The following SYT16 variants were observed in gnomAD, a reference collection of about 807,000 sequenced individuals.
SYT16 encodes the protein synaptotagmin-16.
In SYT16, 42 loss-of-function variants were observed where a neutral mutation model predicts 61.4. That is an observed-to-expected ratio of 0.68 (90% CI 0.53 to 0.89). The LOEUF is 0.89. Ranked by LOEUF, SYT16 falls within the 40% of genes least tolerant of loss-of-function variation. The pLI is 0.00. For missense variants in SYT16, 804 were observed against 807.3 expected, an observed-to-expected ratio of 1.00 and a Z score of 0.05; for synonymous variants, 314 against 302.3, an observed-to-expected ratio of 1.04 and a Z score of -0.40.
chr14:62,061,206 A>C (rs756400957), intron 3 of SYT16, among the ~76,000 whole-genome samples: 1 of 152,126 alleles, frequency 6.6e-6, no homozygotes, highest in Non-Finnish European at 1.5e-5. Context: ...CACTTAGGAC[A>C]CAATCCCTAG....
intron 1 of SYT16, among the ~76,000 whole-genome samples, chr14:61,960,976 C>T (rs185943812): frequency 2.0e-5 from 3 of 152,266 alleles, no homozygotes; most frequent in Admixed American, 6.5e-5. Context: ...CACCTACAAT[C>T]ATCTGATCTT....
chr14:61,838,234 T>C (rs958554961), intron 1 of SYT16, among the ~76,000 whole-genome samples: 1 of 152,160 alleles, frequency 6.6e-6, no homozygotes, highest in African/African-American at 2.4e-5. Flanking sequence ...AAATTAAATC[T>C]CAATCATTAC....
At chr14:61,987,570 A>G (rs1881901770) in intron 2 of SYT16, among the ~76,000 whole-genome samples, 1 of 152,170 alleles carries the variant, frequency 6.6e-6, no homozygotes, top group Non-Finnish European at 1.5e-5. Flanking sequence ...TTTAGATGAA[A>G]GAATGGGTAG....
At chr14:61,938,025 C>CG (rs2050051866) in intron 1 of SYT16, among the ~76,000 whole-genome samples, 2 of 5,390 alleles carry the variant, frequency 3.7e-4, no homozygotes, top group Admixed American at 4.0e-3. Flanking sequence ...TCCTACCCCG[C>CG]AACACACACA....
intron 1 of SYT16, among the ~76,000 whole-genome samples, chr14:61,944,950 A>G (rs2050361319): frequency 6.6e-6 from 1 of 152,238 alleles, no homozygotes; most frequent in Non-Finnish European, 1.5e-5. Context: ...GTGAACAGGC[A>G]ACCTACAGAA....
Position 61,996,031 on chromosome 14 carries a change from C to T in SYT16, c.12C>T (p.Ala4=). The T allele has an allele frequency of 6.3e-7, 1 of 1,592,812 alleles. No individual in the cohort carries two copies. The highest frequency in any genetic ancestry group is 8.6e-7 in the Non-Finnish European group (1 of 1,169,220). ...TCAGATAGCTGGCCATGGTGTTGGC[C>T]ATGGCGTCTCAGGATGTTCAGAACT... The part of the protein sequence containing the change: MVL[A]MASQDVQNFF... The change falls in exon 3 of 8, where the codon GCC becomes GCT. Residue 4 remains alanine, a synonymous_variant. Coordinates refer to ENST00000683842, the MANE Select transcript of SYT16 (RefSeq NM_001367656.1).
chr14:61,950,702 A>G (rs1000293277), intron 1 of SYT16, among the ~76,000 whole-genome samples: 5 of 152,224 alleles, frequency 3.3e-5, no homozygotes, highest in African/African-American at 1.2e-4. Context: ...TGATAATGAA[A>G]AATGCCATGG....
At chr14:61,863,802 C>CT (rs1427626471) in intron 1 of SYT16, among the ~76,000 whole-genome samples, 1 of 151,182 alleles carries the variant, frequency 6.6e-6, no homozygotes, top group African/African-American at 2.5e-5. Flanking sequence ...GGTGAAATGT[C>CT]TGTCTAGATT....
At chr14:61,942,827 AGGTTTCTATC>A (rs2050259073) in intron 1 of SYT16, among the ~76,000 whole-genome samples, 2 of 152,188 alleles carry the variant, frequency 1.3e-5, no homozygotes, top group Non-Finnish European at 2.9e-5. Context: ...TTCCATCCTT[AGGTTTCTATC>A]AAATATAAAT....
intron 2 of SYT16, among the ~76,000 whole-genome samples, chr14:61,983,485 G>A (rs2052172225): frequency 6.6e-6 from 1 of 152,072 alleles, no homozygotes; most frequent in Non-Finnish European, 1.5e-5. Flanking sequence ...CTCCTAAACA[G>A]TTCTTGATAC....
rs1010775490 is a variant in SYT16 at position 61,901,762 on chromosome 14, A to AATAATAATAATAATT, written c.-324-68368_-324-68367insAATAATAATAATTAT. 8.0e-3 allele frequency among the ~76,000 whole-genome samples: 1,109 copies of AATAATAATAATAATT among 138,778 alleles called. 9 individuals carry two copies. Among genetic ancestry groups the AATAATAATAATAATT allele is most frequent in the African/African-American group, 0.029 (975 of 34,052 alleles). The allele number at this position is 138,778 out of a possible 152,430, so 91.0% of individuals were successfully genotyped here. On this transcript the variant is annotated intron_variant, in intron 1 of 7. Transcript: ENST00000683842. ...TGCTTATAATAATAATAATAATAATAATTATTATTATTATTATTTTTTGGA... is the reference window on the plus strand; with the variant it reads ...TGCTTATAATAATAATAATAATAATAATAATAATAATAATTATTATTATTATTATTATTTTTTGGA...
At chr14:62,011,213 G>A (rs796477997) in intron 3 of SYT16, among the ~76,000 whole-genome samples, 8 of 152,232 alleles carry the variant, frequency 5.3e-5, no homozygotes, top group African/African-American at 1.9e-4. Context: ...TTCATGGGGA[G>A]TTCTATCCAG....
chr14:61,832,222 C>T (rs1359279674), intron 1 of SYT16: 2 of 635,186 alleles, frequency 3.1e-6, no homozygotes, highest in South Asian at 1.4e-5. Context: ...TTGACATGGG[C>T]CACATCGGGT....
chr14:61,852,126 T>G (rs1872303912), intron 1 of SYT16, among the ~76,000 whole-genome samples: 1 of 152,258 alleles, frequency 6.6e-6, no homozygotes, highest in African/African-American at 2.4e-5. Context: ...CATTTCAATA[T>G]TCTACATATG....
intron 1 of SYT16, among the ~76,000 whole-genome samples, chr14:61,817,540 G>A (rs1435261891): frequency 1.3e-5 from 2 of 152,054 alleles, no homozygotes; most frequent in African/African-American, 4.8e-5. Context: ...TTCTGATCAC[G>A]AGGAAACATC....
chr14:62,017,172 T>G (rs1033660094), intron 3 of SYT16, among the ~76,000 whole-genome samples: 1 of 152,238 alleles, frequency 6.6e-6, no homozygotes, highest in Non-Finnish European at 1.5e-5. Flanking sequence ...ATACTGGTTT[T>G]ATTAATAATT....
At chr14:61,831,607 G>A (rs146594304) in intron 1 of SYT16, among the ~76,000 whole-genome samples, 1 of 151,834 alleles carries the variant, frequency 6.6e-6, no homozygotes, top group Non-Finnish European at 1.5e-5. Flanking sequence ...ATCTCTTTCT[G>A]TGTTTCTTAT....
At chr14:61,962,486 T>C (rs1397765086) in intron 1 of SYT16, among the ~76,000 whole-genome samples, 1 of 152,166 alleles carries the variant, frequency 6.6e-6, no homozygotes, top group Non-Finnish European at 1.5e-5. Context: ...TGTGTCTCGG[T>C]ATAGATCTTT....
chr14:62,033,765 C>T (rs980802117), intron 3 of SYT16, among the ~76,000 whole-genome samples: 30 of 152,012 alleles, frequency 2.0e-4, no homozygotes, highest in Non-Finnish European at 4.3e-4. Flanking sequence ...TAGAAAGAAA[C>T]CTGAGAGTAA....
Sources: allele counts gnomAD v4.1 joint callset (sites outside exome capture counted in the v4.1 genomes callset), GRCh38; gene constraint gnomAD v4.1.1; transcripts MANE v1.5; gene names NCBI Gene and HGNC (gene_info 2026-07-23, HGNC 2026-07-21).